Variants in PPM1H observed in about 807,000 individuals in gnomAD.
The protein encoded by PPM1H is protein phosphatase 1H.
PPM1H carries 27 observed loss-of-function variants against 54.9 expected under a neutral mutation model. That is an observed-to-expected ratio of 0.49 (90% CI 0.36 to 0.68). The LOEUF (loss-of-function observed/expected upper bound fraction) is 0.68. PPM1H is among the 30% of genes least tolerant of loss of function. PPM1H has a pLI of 0.00. For synonymous variants in PPM1H, 305 were observed against 270.8 expected (o/e 1.13, Z -1.24); for missense variants, 596 against 667.8 (o/e 0.89, Z 1.19).
chr12:62,808,153 A>T (rs2076816094), intron 2 of PPM1H, among the ~76,000 whole-genome samples: 2 of 152,162 alleles, frequency 1.3e-5, no homozygotes, highest in South Asian at 2.1e-4. Flanking sequence ...CATTTAATAA[A>T]CCTTATATAG....
chr12:62,775,423 A>G (rs12318793), intron 4 of PPM1H, among the ~76,000 whole-genome samples: 28,308 of 152,068 alleles, frequency 0.19, 3,106 homozygotes, highest in African/African-American at 0.3. Flanking sequence ...TATACACAGG[A>G]GAATTTGTGT....
intron 1 of PPM1H, among the ~76,000 whole-genome samples, chr12:62,850,169 G>A (rs1869126860): frequency 6.6e-6 from 1 of 151,930 alleles, no homozygotes; most frequent in Non-Finnish European, 1.5e-5. Flanking sequence ...GTTTCACCAT[G>A]TTGTTCAGGC....
chr12:62,835,357 C>T (rs1357187200), intron 1 of PPM1H, among the ~76,000 whole-genome samples: 4 of 152,332 alleles, frequency 2.6e-5, no homozygotes, highest in Admixed American at 6.5e-5. Context: ...TCATGACTGG[C>T]GCAAGGTCAC....
At chr12:62,754,685 G>C (rs944230965) in intron 4 of PPM1H, among the ~76,000 whole-genome samples, 2 of 152,164 alleles carry the variant, frequency 1.3e-5, no homozygotes, top group Non-Finnish European at 2.9e-5. Context: ...CATTCCCAAT[G>C]CTTCTCTCCC....
At position 62,807,922 on chromosome 12, in the gene PPM1H, C is replaced by T. The variant is rs1445975756; in HGVS notation, c.412-5762G>A. Reference sequence around the variant, plus strand: ...GCACAACCACGACTTACTGAAGCCTCAACCTCCCAGGCTCAAATGATCCTC... The same window carrying T: ...GCACAACCACGACTTACTGAAGCCTTAACCTCCCAGGCTCAAATGATCCTC... On this transcript the variant is annotated intron_variant, in intron 2 of 9. Coordinates refer to ENST00000228705, the MANE Select transcript of PPM1H (RefSeq NM_020700.2). Among the ~76,000 whole-genome samples, 4 of 152,222 alleles carry T rather than the reference C, an allele frequency of 2.6e-5. No individual in the cohort carries two copies. The South Asian group carries it at 8.3e-4, about 32-fold the overall frequency.
At chr12:62,663,174 C>A (rs950636807) in intron 9 of PPM1H, among the ~76,000 whole-genome samples, 1 of 152,118 alleles carries the variant, frequency 6.6e-6, no homozygotes, top group Non-Finnish European at 1.5e-5. Flanking sequence ...CTGTGAATAT[C>A]TTCTTGCATG....
intron 1 of PPM1H, among the ~76,000 whole-genome samples, chr12:62,930,683 A>G (rs892464200): frequency 6.6e-6 from 1 of 151,356 alleles, no homozygotes; most frequent in Admixed American, 6.6e-5. Flanking sequence ...AGAGAAAGGA[A>G]GTAGCTGCCG....
At chr12:62,730,638 G>T (rs187901027) in intron 5 of PPM1H, among the ~76,000 whole-genome samples, 16 of 151,836 alleles carry the variant, frequency 1.1e-4, no homozygotes, top group Non-Finnish European at 4.4e-5. Context: ...CGAATTTTCC[G>T]TGTACAATAC....
chr12:62,658,487 C>T (rs909552283), intron 9 of PPM1H, among the ~76,000 whole-genome samples: 2 of 152,086 alleles, frequency 1.3e-5, no homozygotes, highest in Non-Finnish European at 2.9e-5. Context: ...GAGACCCCCC[C>T]ACTGAACCTC....
chr12:62,895,026 T>C (rs1216692043), intron 1 of PPM1H, among the ~76,000 whole-genome samples: 2 of 152,226 alleles, frequency 1.3e-5, no homozygotes, highest in African/African-American at 4.8e-5. Flanking sequence ...TAGTTATTCA[T>C]CTCCATCTTC....
chr12:62,666,170 G>A (rs140813338), intron 9 of PPM1H, among the ~76,000 whole-genome samples: 197 of 152,052 alleles, frequency 1.3e-3, no homozygotes, highest in African/African-American at 4.5e-3. Flanking sequence ...CTCTGTCTCC[G>A]GGGTTCAAGC....
intron 3 of PPM1H, among the ~76,000 whole-genome samples, chr12:62,789,024 C>T (rs1019425032): frequency 6.7e-6 from 1 of 149,296 alleles, no homozygotes; most frequent in Non-Finnish European, 1.5e-5. Context: ...CTGCGCCCAG[C>T]CTTGTCTTTT....
chr12:62,866,145 G>A (rs11174699), intron 1 of PPM1H, among the ~76,000 whole-genome samples: 2 of 152,288 alleles, frequency 1.3e-5, no homozygotes, highest in East Asian at 3.9e-4. Flanking sequence ...CTTGTGTCAA[G>A]CTGTTTTTTT....
intron 4 of PPM1H, among the ~76,000 whole-genome samples, chr12:62,746,664 T>G (rs1016569868): frequency 6.6e-6 from 1 of 152,218 alleles, no homozygotes; most frequent in African/African-American, 2.4e-5. Flanking sequence ...GATATCTCCC[T>G]TGTTCCGGGG....
At chr12:62,929,300 A>G (rs1334892425) in intron 1 of PPM1H, among the ~76,000 whole-genome samples, 1 of 152,178 alleles carries the variant, frequency 6.6e-6, no homozygotes, top group Admixed American at 6.5e-5. Context: ...TCATCAATTG[A>G]GAGAAATAAT....
At chr12:62,727,000 C>T (rs1259239640) in intron 5 of PPM1H, among the ~76,000 whole-genome samples, 4 of 152,056 alleles carry the variant, frequency 2.6e-5, no homozygotes, top group Admixed American at 6.6e-5. Flanking sequence ...CTGCAACCTC[C>T]GCCTCCTGGG....
intron 9 of PPM1H, among the ~76,000 whole-genome samples, chr12:62,666,215 C>G (rs371428255): frequency 1.3e-5 from 2 of 152,102 alleles, no homozygotes; most frequent in Non-Finnish European, 2.9e-5. Context: ...GCAGCTGAGA[C>G]TACAGGTATG....
intron 9 of PPM1H, among the ~76,000 whole-genome samples, chr12:62,662,159 A>C (rs944933007): frequency 3.3e-5 from 5 of 152,116 alleles, no homozygotes; most frequent in Admixed American, 6.6e-5. Context: ...CAGATTTATC[A>C]CTCTGGAGGA....
At chr12:62,716,901 A>T (rs1456459033) in intron 6 of PPM1H, among the ~76,000 whole-genome samples, 1 of 152,200 alleles carries the variant, frequency 6.6e-6, no homozygotes, top group Non-Finnish European at 1.5e-5. Flanking sequence ...ACATTTTAAA[A>T]AGGAATTCAT....
Sources: allele counts gnomAD v4.1 joint callset (sites outside exome capture counted in the v4.1 genomes callset), GRCh38; gene constraint gnomAD v4.1.1; transcripts MANE v1.5; gene names NCBI Gene and HGNC (gene_info 2026-07-23, HGNC 2026-07-21).